Variants in EGFLAM observed in about 807,000 individuals in gnomAD.
The protein encoded by EGFLAM is EGF like, fibronectin type III and laminin G domains.
Under a neutral mutation model 113.1 loss-of-function variants are expected in EGFLAM, and 79 were observed. That is an observed-to-expected ratio of 0.70 (90% CI 0.58 to 0.84). EGFLAM has a LOEUF of 0.84. Ranked by LOEUF, EGFLAM falls within the 40% of genes least tolerant of loss-of-function variation. The pLI is 0.00. For synonymous variants in EGFLAM, 504 were observed against 487.6 expected, an observed-to-expected ratio of 1.03 and a Z score of -0.44; for missense variants, 1,265 against 1,291.6, an observed-to-expected ratio of 0.98 and a Z score of 0.32.
At chr5:38,281,267 T>C (rs1758014910) in intron 1 of EGFLAM, among the ~76,000 whole-genome samples, 1 of 152,108 alleles carries the variant, frequency 6.6e-6, no homozygotes, top group South Asian at 2.1e-4. Context: ...GATTAAAGTA[T>C]GAACTAAATA....
At chr5:38,362,295 C>T (rs1739943825) in intron 5 of EGFLAM, among the ~76,000 whole-genome samples, 1 of 152,164 alleles carries the variant, frequency 6.6e-6, no homozygotes, top group African/African-American at 2.4e-5. Flanking sequence ...AATGCAAATT[C>T]ATGTCTTAGA....
intron 1 of EGFLAM, among the ~76,000 whole-genome samples, chr5:38,271,787 G>T (rs531489526): frequency 6.6e-6 from 1 of 152,204 alleles, no homozygotes; most frequent in East Asian, 1.9e-4. Context: ...TGTTAGATTT[G>T]TAACTTGTTC....
In EGFLAM at chr5:38,333,916, G is replaced by GTTTTTTTTT. The variant is rs70978880; in HGVS notation, c.98-3588_98-3580dup. Among the ~76,000 whole-genome samples, 33 of 29,302 alleles carry GTTTTTTTTT rather than the reference G, an allele frequency of 1.1e-3. 1 individual carries two copies. Among genetic ancestry groups the GTTTTTTTTT allele is most frequent in the African/African-American group, 4.5e-3 (28 of 6,252 alleles). The allele number at this position is 29,302 out of a possible 152,430, so 19.2% of individuals were successfully genotyped here. On this transcript the variant is annotated intron_variant, in intron 1 of 21. Transcript: ENST00000322350. ...TGTCTGTTTATTTTTATTGTTGAGGGTTTTTTTTTTTTTTTTTTTTTTTTG... is the reference window on the plus strand; with the variant it reads ...TGTCTGTTTATTTTTATTGTTGAGGGTTTTTTTTTTTTTTTTTTTTTTTTTTTTTTTTTG...
At chr5:38,273,822 A>G (rs1007424911) in intron 1 of EGFLAM, among the ~76,000 whole-genome samples, 2 of 152,206 alleles carry the variant, frequency 1.3e-5, no homozygotes. Context: ...ATCAAGAACA[A>G]TTTGGGAAAC....
At chr5:38,375,403 T>C (rs1172442806) in intron 6 of EGFLAM, among the ~76,000 whole-genome samples, 2 of 152,194 alleles carry the variant, frequency 1.3e-5, no homozygotes, top group African/African-American at 4.8e-5. Flanking sequence ...ATTGGCTTGA[T>C]TTAATGCCCA....
At chr5:38,292,906 C>T (rs919384762) in intron 1 of EGFLAM, among the ~76,000 whole-genome samples, 6 of 152,196 alleles carry the variant, frequency 3.9e-5, no homozygotes, top group African/African-American at 1.4e-4. Context: ...CAAAAAATTT[C>T]CTGCTCTGTC....
intron 12 of EGFLAM, 64 bp downstream of exon 12, chr5:38,418,319 C>A (rs1741720555): frequency 1.3e-6 from 2 of 1,566,710 alleles, no homozygotes; most frequent in Non-Finnish European, 1.7e-6. Context: ...GACTGCCTTT[C>A]TGGCTTGGGC....
In EGFLAM at chr5:38,425,067, G is replaced by T; in HGVS notation, c.1785G>T (p.Gly595=). ...ADSYICLCPL[G]FKGRHCEDAF... is the part of the protein sequence containing the mutation. ...CCTACATTTGCCTCTGTCCCCTTGG[G>T]TTTAAAGGTCGACACTGTGAAGATG... Residue 595 remains glycine, a synonymous_variant, in exon 13 of 22, where the codon GGG becomes GGT. Coordinates refer to ENST00000322350, the MANE Select transcript of EGFLAM (RefSeq NM_152403.4). The T allele has an allele frequency of 6.2e-7, 1 of 1,614,048 alleles. No homozygotes were observed. Among genetic ancestry groups the T allele is most frequent in the Non-Finnish European group, 8.5e-7 (1 of 1,179,952 alleles).
At chr5:38,287,416 A>G (rs1758194107) in intron 1 of EGFLAM, among the ~76,000 whole-genome samples, 2 of 152,120 alleles carry the variant, frequency 1.3e-5, no homozygotes, top group Non-Finnish European at 2.9e-5. Context: ...CTGTTGCCCA[A>G]CCTGGAGGGC....
chr5:38,444,184 G>T (rs939147754), intron 17 of EGFLAM, among the ~76,000 whole-genome samples: 2 of 152,128 alleles, frequency 1.3e-5, no homozygotes, highest in Non-Finnish European at 2.9e-5. Context: ...TTTTCTGTGT[G>T]TGTCACCATA....
intron 1 of EGFLAM, among the ~76,000 whole-genome samples, chr5:38,280,969 T>A (rs1173913785): frequency 2.6e-5 from 4 of 152,208 alleles, no homozygotes. Context: ...AGAGAAACCA[T>A]GATCTTTGAG....
chr5:38,403,986 G>A (rs181085593), intron 6 of EGFLAM: 68 of 1,605,078 alleles, frequency 4.2e-5, no homozygotes, highest in East Asian at 1.8e-4. Flanking sequence ...TGAGAACACC[G>A]CCTCCCCTTT....
chr5:38,456,711 G>A (rs1285070808), intron 19 of EGFLAM, among the ~76,000 whole-genome samples: 2 of 152,180 alleles, frequency 1.3e-5, no homozygotes, highest in East Asian at 3.8e-4. Flanking sequence ...TATTCTTGCT[G>A]TTTTCTCAGA....
chr5:38,460,115 G>A (rs1435782963), intron 20 of EGFLAM, among the ~76,000 whole-genome samples: 1 of 152,172 alleles, frequency 6.6e-6, no homozygotes, highest in African/African-American at 2.4e-5. Flanking sequence ...ACATCCAAAG[G>A]AATATGAAAT....
At chr5:38,278,283 A>C (rs75824038) in intron 1 of EGFLAM, among the ~76,000 whole-genome samples, 22,647 of 152,202 alleles carry the variant, frequency 0.15, 2,029 homozygotes, top group Non-Finnish European at 0.2. Flanking sequence ...AAGAACACTC[A>C]TTAGGGAAAG....
chr5:38,455,758 C>T (rs547617875), intron 19 of EGFLAM, among the ~76,000 whole-genome samples: 2 of 152,258 alleles, frequency 1.3e-5, no homozygotes, highest in South Asian at 4.1e-4. Context: ...GCCAGGTTCA[C>T]GGTTGACTCC....
intron 1 of EGFLAM, among the ~76,000 whole-genome samples, chr5:38,308,940 T>A (rs1197901461): frequency 6.6e-6 from 1 of 152,196 alleles, no homozygotes; most frequent in East Asian, 1.9e-4. Context: ...TCTGAAATGT[T>A]GTGTTGGTAG....
chr5:38,387,435 A>C (rs917222958), intron 6 of EGFLAM, among the ~76,000 whole-genome samples: 4 of 152,066 alleles, frequency 2.6e-5, no homozygotes, highest in African/African-American at 9.7e-5. Flanking sequence ...CTTTTTGGCT[A>C]TTCCATCTCC....
chr5:38,296,469 G>T (rs988164703), intron 1 of EGFLAM, among the ~76,000 whole-genome samples: 6 of 152,202 alleles, frequency 3.9e-5, no homozygotes, highest in African/African-American at 1.4e-4. Context: ...CACTTAAAGA[G>T]AATGGCATTT....
Sources: gnomAD v4.1 joint callset for allele counts (sites outside exome capture counted in the v4.1 genomes callset) on GRCh38, gnomAD v4.1.1 for gene constraint, MANE v1.5 for transcripts, NCBI Gene and HGNC (gene_info 2026-07-23, HGNC 2026-07-21) for gene names.